RGS6: variants seen among roughly 807,000 people sequenced by gnomAD.
RGS6 encodes the protein regulator of G protein signaling 6.
RGS6 carries 30 observed loss-of-function variants against 78.5 expected under a neutral mutation model. The observed-to-expected ratio is 0.38, with a 90% CI of 0.29 to 0.52. The LOEUF (loss-of-function observed/expected upper bound fraction) is 0.52. Ranked by LOEUF, RGS6 falls within the 20% of genes least tolerant of loss-of-function variation. The pLI is 0.85. For synonymous variants in RGS6, 206 were observed against 206.0 expected, an observed-to-expected ratio of 1.00 and a Z score of 0.00; for missense variants, 495 against 609.7, an observed-to-expected ratio of 0.81 and a Z score of 1.98.
chr14:72,522,940 C>T (rs1049387334), intron 15 of RGS6, among the ~76,000 whole-genome samples: 8 of 152,296 alleles, frequency 5.3e-5, no homozygotes, highest in South Asian at 2.1e-4. Flanking sequence ...TTGGTTTTGA[C>T]GCAGCCATGG....
chr14:72,138,175 A>G (rs2096477383), intron 2 of RGS6, among the ~76,000 whole-genome samples: 1 of 152,196 alleles, frequency 6.6e-6, no homozygotes, highest in Non-Finnish European at 1.5e-5. Context: ...AGATACAAAT[A>G]TGGAATCTTC....
At chr14:72,518,668 T>A in intron 15 of RGS6, 131 bp downstream of exon 15, 1 of 838,874 alleles carries the variant, frequency 1.2e-6, no homozygotes, top group Non-Finnish European at 1.8e-6. Flanking sequence ...AGTTCATCAG[T>A]GGAAACCATT....
At chr14:72,323,505 C>A (rs1231742063) in intron 2 of RGS6, among the ~76,000 whole-genome samples, 2 of 150,738 alleles carry the variant, frequency 1.3e-5, no homozygotes, top group South Asian at 4.2e-4. Context: ...GAAGCCCAAC[C>A]CAAAAGTTTC....
chr14:72,541,310 T>A, intron 17 of RGS6: 3 of 878,170 alleles, frequency 3.4e-6, no homozygotes, highest in Non-Finnish European at 4.1e-6. Flanking sequence ...CATTTACGTG[T>A]CGTAGCTAGA....
chr14:72,316,896 A>AGTGTGT (rs71109731), intron 2 of RGS6, among the ~76,000 whole-genome samples: 19,138 of 141,714 alleles, frequency 0.14, 1,346 homozygotes, highest in Middle Eastern at 0.25. Context: ...AAGCAGGTGA[A>AGTGTGT]GTGTGTGTGT....
rs1359409792 is a variant in RGS6 at position 72,077,861 on chromosome 14, G to T, written c.84+112986G>T. Reference sequence around the variant, plus strand: ...TAGCTAATTCATGGGAGAATTTGAAGTATTATATCTTCTAATTTAAGTTAG... The same window carrying T: ...TAGCTAATTCATGGGAGAATTTGAATTATTATATCTTCTAATTTAAGTTAG... On this transcript the variant is annotated intron_variant, in intron 2 of 17. Transcript: ENST00000553525. 2.6e-5 allele frequency among the ~76,000 whole-genome samples: 4 copies of T among 152,178 alleles called. No homozygotes were observed. The South Asian group carries it at 8.3e-4, about 32-fold the overall frequency.
chr14:71,993,902 G>T (rs2095079141), intron 2 of RGS6, among the ~76,000 whole-genome samples: 1 of 151,916 alleles, frequency 6.6e-6, no homozygotes, highest in Admixed American at 6.6e-5. Flanking sequence ...CACCAAATTG[G>T]CAGAGTGTCT....
At chr14:72,276,482 A>G (rs75349354) in intron 2 of RGS6, among the ~76,000 whole-genome samples, 20,258 of 152,154 alleles carry the variant, frequency 0.13, 1,892 homozygotes, top group Non-Finnish European at 0.2. Context: ...ATGTCTAAAA[A>G]ACCTCCTTAG....
At chr14:72,580,217 T>C in the RGS6 span, among the ~76,000 whole-genome samples, 1 of 151,672 alleles carries the variant, frequency 6.6e-6, no homozygotes, top group African/African-American at 2.4e-5. Flanking sequence ...GACACCTTTC[T>C]CCAAGTTGCC....
intron 2 of RGS6, among the ~76,000 whole-genome samples, chr14:72,300,618 G>A (rs1161395134): frequency 6.6e-6 from 1 of 152,238 alleles, no homozygotes; most frequent in African/African-American, 2.4e-5. Context: ...TGACTGAGTT[G>A]TGAAACGTCT....
At chr14:72,553,820 G>A (rs1314552690) in intron 17 of RGS6, among the ~76,000 whole-genome samples, 2 of 152,178 alleles carry the variant, frequency 1.3e-5, no homozygotes, top group Non-Finnish European at 2.9e-5. Context: ...GCCAAATCCT[G>A]CAGGAAACGT....
chr14:72,045,557 T>C (rs1383755108), intron 2 of RGS6, among the ~76,000 whole-genome samples: 1 of 152,206 alleles, frequency 6.6e-6, no homozygotes, highest in East Asian at 1.9e-4. Context: ...TAATCTAATG[T>C]AATCTGTTAT....
chr14:72,237,494 T>C (rs1414193554), intron 2 of RGS6, among the ~76,000 whole-genome samples: 2 of 152,190 alleles, frequency 1.3e-5, no homozygotes, highest in African/African-American at 2.4e-5. Flanking sequence ...TCCTCATCTG[T>C]TCTCAGATGA....
intron 2 of RGS6, among the ~76,000 whole-genome samples, chr14:72,320,927 A>G (rs1288648995): frequency 2.7e-5 from 4 of 149,808 alleles, no homozygotes; most frequent in Non-Finnish European, 5.9e-5. Context: ...GTAAATTAAT[A>G]TATTTACTAA....
intron 2 of RGS6, among the ~76,000 whole-genome samples, chr14:72,278,984 G>C (rs2061151923): frequency 1.3e-5 from 2 of 152,074 alleles, no homozygotes; most frequent in Admixed American, 1.3e-4. Context: ...AGGCTCTCCA[G>C]TGTCTTCACT....
At chr14:72,419,411 C>G (rs763616274) in intron 3 of RGS6, among the ~76,000 whole-genome samples, 4 of 152,200 alleles carry the variant, frequency 2.6e-5, no homozygotes, top group Non-Finnish European at 4.4e-5. Context: ...GTGGCAGAGC[C>G]AGGCTTTGAA....
chr14:72,561,012 G>T (rs919290773), intron 17 of RGS6, among the ~76,000 whole-genome samples: 2 of 151,854 alleles, frequency 1.3e-5, no homozygotes, highest in African/African-American at 4.9e-5. Context: ...AATTCTCAAA[G>T]TCAGGCTGGC....
At chr14:72,410,250 G>T (rs1050339358) in intron 3 of RGS6, among the ~76,000 whole-genome samples, 5 of 152,138 alleles carry the variant, frequency 3.3e-5, no homozygotes, top group Non-Finnish European at 2.9e-5. Context: ...TTTAATGATT[G>T]CCATTCTAAC....
chr14:72,182,212 A>G (rs1598981027), intron 2 of RGS6, among the ~76,000 whole-genome samples: 1 of 152,088 alleles, frequency 6.6e-6, no homozygotes, highest in Non-Finnish European at 1.5e-5. Flanking sequence ...GATCGAGACT[A>G]TCCTGGCTAA....
Sources: allele counts gnomAD v4.1 joint callset (sites outside exome capture counted in the v4.1 genomes callset), GRCh38; gene constraint gnomAD v4.1.1; transcripts MANE v1.5; gene names NCBI Gene and HGNC (gene_info 2026-07-23, HGNC 2026-07-21).